Variants in GRAMD4 observed in about 807,000 individuals in gnomAD.
GRAMD4 encodes GRAM domain containing 4.
In GRAMD4, 25 loss-of-function variants were observed where a neutral mutation model predicts 83.9. The ratio of observed to expected loss-of-function variants is 0.30; its 90% confidence interval spans 0.22 to 0.42. The LOEUF (loss-of-function observed/expected upper bound fraction) is 0.42. Ranked by LOEUF, GRAMD4 falls within the 10% of genes least tolerant of loss-of-function variation. The probability of loss-of-function intolerance (pLI) is 1.00; values close to 1 mark genes in which losing one functional copy is unlikely to be tolerated. For synonymous variants in GRAMD4, 336 were observed against 320.9 expected, an observed-to-expected ratio of 1.05 and a Z score of -0.50; for missense variants, 593 against 788.7, an observed-to-expected ratio of 0.75 and a Z score of 2.97.
chr22:46,582,418 G>C (rs58627489), intron 1 of GRAMD4, among the ~76,000 whole-genome samples: 6,426 of 152,048 alleles, frequency 0.042, 450 homozygotes, highest in African/African-American at 0.15. Context: ...TCTGCTCCAC[G>C]TCCCCCCTCC....
intron 3 of GRAMD4, among the ~76,000 whole-genome samples, chr22:46,654,305 G>T (rs1403194498): frequency 6.6e-6 from 1 of 152,202 alleles, no homozygotes; most frequent in Non-Finnish European, 1.5e-5. Context: ...GCCCACCAAG[G>T]GCTTCAGGGC....
intron 1 of GRAMD4, among the ~76,000 whole-genome samples, chr22:46,610,250 A>T (rs967160560): frequency 3.3e-5 from 5 of 152,156 alleles, no homozygotes; most frequent in African/African-American, 1.2e-4. Flanking sequence ...GTGCCTGGTG[A>T]GGGCTGCGGT....
At chr22:46,681,642 T>C (rs937006854), downstream of GRAMD4, among the ~76,000 whole-genome samples, 2 of 152,130 alleles carry the variant, frequency 1.3e-5, no homozygotes, top group Non-Finnish European at 2.9e-5. Flanking sequence ...TGGCTGCAAA[T>C]CAGAAGAGGG....
chr22:46,627,255 G>C (rs2081679709), intron 2 of GRAMD4, among the ~76,000 whole-genome samples: 1 of 152,236 alleles, frequency 6.6e-6, no homozygotes. Context: ...GGAAGCCTCG[G>C]CCTGGCCCTG....
chr22:46,637,146 G>A (rs1006175816), intron 2 of GRAMD4, among the ~76,000 whole-genome samples: 5 of 152,286 alleles, frequency 3.3e-5, no homozygotes, highest in South Asian at 2.1e-4. Flanking sequence ...GCTCTGGCAC[G>A]GCCAGCCGGA....
chr22:46,629,664 G>C (rs1295961617), intron 2 of GRAMD4, among the ~76,000 whole-genome samples: 1 of 152,218 alleles, frequency 6.6e-6, no homozygotes, highest in African/African-American at 2.4e-5. Context: ...TTCCCACCGG[G>C]TATACAGTAT....
upstream of GRAMD4, among the ~76,000 whole-genome samples, chr22:46,615,620 A>C (rs1269719855): frequency 1.3e-5 from 1 of 77,164 alleles, no homozygotes; most frequent in Non-Finnish European, 2.4e-5. Context: ...CCGTGCGTGT[A>C]GGTTCCCCCG....
chr22:46,636,881 G>A (rs768972124), intron 2 of GRAMD4, among the ~76,000 whole-genome samples: 3 of 152,246 alleles, frequency 2.0e-5, no homozygotes, highest in South Asian at 2.1e-4. Flanking sequence ...ACTCGAGCCC[G>A]TCCTGGCTTG....
At chr22:46,582,663 G>C (rs772232589) in intron 1 of GRAMD4, among the ~76,000 whole-genome samples, 5 of 152,172 alleles carry the variant, frequency 3.3e-5, no homozygotes, top group Non-Finnish European at 7.3e-5. Flanking sequence ...CAGGAGCCAG[G>C]CTGGGAGTGA....
chr22:46,638,813 G>A (rs1013981488), intron 3 of GRAMD4, among the ~76,000 whole-genome samples: 1 of 152,220 alleles, frequency 6.6e-6, no homozygotes, highest in Non-Finnish European at 1.5e-5. Flanking sequence ...ATTTGTGACA[G>A]GCAGGGGCTT....
In GRAMD4 at chr22:46,678,151, C is replaced by T. The variant is rs1444855066; in HGVS notation, c.*900C>T. ...GCTCCGAGCACTGTGGCATGTCTGG[C>T]ACATGGCCCCCAGGCTGCGGTTGCC... On this transcript the variant is annotated 3_prime_UTR_variant, in exon 19 of 19. Transcript: ENST00000406902. The T allele has an allele frequency of 4.1e-6, 4 of 985,512 alleles. No individual in the cohort carries two copies. Among genetic ancestry groups the T allele is most frequent in the Non-Finnish European group, 4.8e-6 (4 of 830,068 alleles). The allele number at this position is 985,512 out of a possible 1,614,324, so 61.0% of individuals were successfully genotyped here. A position where few individuals can be genotyped will look rare whatever the true frequency, so the allele number is the denominator to read the frequency against.
rs71311629 is a variant in GRAMD4 at position 46,648,939 on chromosome 22, G to C, written c.284-9248G>C. 3.2e-3 allele frequency among the ~76,000 whole-genome samples: 109 copies of C among 33,606 alleles called. 1 individual carries two copies. Among genetic ancestry groups the C allele is most frequent in the South Asian group, 8.1e-3 (10 of 1,240 alleles). 22.0% of individuals were successfully genotyped at this position (33,606 alleles called of 152,430 possible). On this transcript the variant is annotated intron_variant, in intron 3 of 18. Transcript: ENST00000406902. ...GGATGGATGGATGGATGGATGCATG[G>C]ATGGATGGATGGATGGATGGATGGA...
At chr22:46,663,749 C>G (rs1277564400) in intron 6 of GRAMD4, 89 bp from the exon 7 acceptor site, 1 of 1,312,992 alleles carries the variant, frequency 7.6e-7, no homozygotes, top group Non-Finnish European at 1.1e-6. Context: ...CTCCCTGGCC[C>G]CTGCAGAGCC....
At chr22:46,637,018 G>A (rs974166371) in intron 2 of GRAMD4, among the ~76,000 whole-genome samples, 1 of 152,354 alleles carries the variant, frequency 6.6e-6, no homozygotes, top group Admixed American at 6.5e-5. Context: ...CAAGGCCGCT[G>A]TTCGGAGTTT....
At position 46,626,899 on chromosome 22, in the gene GRAMD4, G is replaced by C. The variant is rs374106125; in HGVS notation, c.100G>C (p.Asp34His). The change falls in exon 2 of 19, where the codon GAC becomes CAC. Residue 34 changes from aspartate to histidine, a missense_variant. By Grantham distance (81) the Asp-to-His change is moderately conservative. Transcript: ENST00000406902. ...AAATGCCTCGGACACCGAATGCAGCGACGAAATCCCCCTGAAGGTACCGCG... is the reference window on the plus strand; with the variant it reads ...AAATGCCTCGGACACCGAATGCAGCCACGAAATCCCCCTGAAGGTACCGCG... The part of the protein sequence containing the change: ...SPNASDTECS[D>H]EIPLKVPRTS... 1 of 1,614,042 alleles carries C rather than the reference G, an allele frequency of 6.2e-7. No homozygotes were observed. Among genetic ancestry groups the C allele is most frequent in the Non-Finnish European group, 8.5e-7 (1 of 1,179,998 alleles).
At chr22:46,669,009 C>A (rs1415346917) in intron 13 of GRAMD4, 101 bp downstream of exon 13, 2 of 685,504 alleles carry the variant, frequency 2.9e-6, no homozygotes, top group Non-Finnish European at 5.2e-6. Flanking sequence ...GTTAAACTCA[C>A]CTGGCGATCC....
At chr22:46,619,313 G>C (rs1255804663), upstream of GRAMD4, among the ~76,000 whole-genome samples, 1 of 152,172 alleles carries the variant, frequency 6.6e-6, no homozygotes, top group Non-Finnish European at 1.5e-5. Flanking sequence ...GTATGTGGCT[G>C]TAAGCATGGG....
rs898897033 is a variant in GRAMD4 at position 46,672,410 on chromosome 22, G to A, written c.1085-433G>A. ...CAGTTGAAGAAGGGCAGGTGGGAGGGGGTTTGGGGAGGGATTGCCATGGAG... is the reference window on the plus strand; with the variant it reads ...CAGTTGAAGAAGGGCAGGTGGGAGGAGGTTTGGGGAGGGATTGCCATGGAG... On this transcript the variant is annotated intron_variant, in intron 13 of 18. Transcript: ENST00000406902. The surrounding 1 kb of genome is among the most constrained non-coding windows in gnomAD (Gnocchi z 4.7). Among the ~76,000 whole-genome samples, 4 of 152,160 alleles carry A rather than the reference G, an allele frequency of 2.6e-5. No individual in the cohort carries two copies. The South Asian group carries it at 8.3e-4, about 32-fold the overall frequency.
rs534083046 is a variant in GRAMD4, at chr22:46,660,000, G to A, written c.405-1381G>A. ...CACAGTGCCATCCCCGCCACGGGAC[G>A]CTGCTTCTCCCCCGGTGGCTAAGGT... On this transcript the variant is annotated intron_variant, in intron 4 of 18. Coordinates refer to ENST00000406902, the MANE Select transcript of GRAMD4 (RefSeq NM_015124.5). This position sits in a 1 kb window ranked among gnomAD's most constrained non-coding sequence, Gnocchi z 4.1. Among the ~76,000 whole-genome samples the A allele has an allele frequency of 1.3e-5, 2 of 152,200 alleles. No individual in the cohort carries two copies. Among genetic ancestry groups the A allele is most frequent in the African/African-American group, 2.4e-5 (1 of 41,456 alleles).
Sources: gnomAD v4.1 joint callset for allele counts (sites outside exome capture counted in the v4.1 genomes callset) on GRCh38, gnomAD v4.1.1 for gene constraint, Gnocchi (gnomAD v3.1) non-coding constraint, MANE v1.5 for transcripts, NCBI Gene and HGNC (gene_info 2026-07-23, HGNC 2026-07-21) for gene names.